Variants in AGBL4 observed in about 807,000 individuals in gnomAD.
AGBL4 encodes AGBL carboxypeptidase 4.
In AGBL4, 58 loss-of-function variants were observed where a neutral mutation model predicts 66.4. The observed-to-expected ratio is 0.87, with a 90% CI of 0.71 to 1.09. The LOEUF (loss-of-function observed/expected upper bound fraction) is 1.09. AGBL4 is among the 50% of genes least tolerant of loss of function. AGBL4 has a pLI of 0.00. For missense variants in AGBL4, 579 were observed against 631.0 expected (o/e 0.92, Z 0.88); for synonymous variants, 234 against 222.9 (o/e 1.05, Z -0.44).
intron 1 of AGBL4, among the ~76,000 whole-genome samples, chr1:49,952,819 A>T (rs1656277122): frequency 6.6e-6 from 1 of 151,972 alleles, no homozygotes; most frequent in Admixed American, 6.6e-5. Context: ...GTACATTGAG[A>T]AGCAACAATA....
intron 3 of AGBL4, among the ~76,000 whole-genome samples, chr1:49,586,929 C>T (rs2124038547): frequency 6.6e-6 from 1 of 152,248 alleles, no homozygotes; most frequent in Non-Finnish European, 1.5e-5. Context: ...CATTCTCCAC[C>T]TTTTCCTCCC....
chr1:49,553,231 C>T (rs1327380229), intron 3 of AGBL4, among the ~76,000 whole-genome samples: 1 of 152,196 alleles, frequency 6.6e-6, no homozygotes, highest in Non-Finnish European at 1.5e-5. Context: ...GGCTTAACCA[C>T]TTACCAGTTG....
At chr1:49,384,901 C>T (rs908775755) in intron 3 of AGBL4, among the ~76,000 whole-genome samples, 6 of 152,150 alleles carry the variant, frequency 3.9e-5, no homozygotes, top group Non-Finnish European at 5.9e-5. Flanking sequence ...GAATTATTTG[C>T]ACACTCATGT....
At chr1:49,772,529 T>C (rs1644092433) in intron 2 of AGBL4, among the ~76,000 whole-genome samples, 1 of 152,200 alleles carries the variant, frequency 6.6e-6, no homozygotes, top group African/African-American at 2.4e-5. Flanking sequence ...CTACTTTAAG[T>C]ATTTCTTGTA....
At chr1:49,693,521 G>A (rs981494890) in intron 3 of AGBL4, among the ~76,000 whole-genome samples, 4 of 151,948 alleles carry the variant, frequency 2.6e-5, no homozygotes, top group Non-Finnish European at 5.9e-5. Context: ...TATGCTCCAC[G>A]ATAGAAAATA....
intron 4 of AGBL4, among the ~76,000 whole-genome samples, chr1:49,053,822 G>A (rs1477155409): frequency 2.6e-5 from 4 of 151,994 alleles, no homozygotes; most frequent in East Asian, 1.9e-4. Flanking sequence ...AATACATAAC[G>A]TGTATAAAAC....
chr1:49,995,309 G>A (rs557679396), intron 1 of AGBL4: 70 of 454,366 alleles, frequency 1.5e-4, no homozygotes, highest in Non-Finnish European at 2.3e-4. Flanking sequence ...TGCTATTGGG[G>A]TGCACAGTGA....
Position 48,698,755 on chromosome 1 carries a change from T to C in AGBL4, c.635-35514A>G, listed in dbSNP as rs544512244. On this transcript the variant is annotated intron_variant, in intron 6 of 13. Coordinates refer to ENST00000371839, the MANE Select transcript of AGBL4 (RefSeq NM_032785.4). Reference sequence around the variant, plus strand: ...CCAGCATTGGGACAGGTACGTTACATGTACACCATCATTTCATTTTCACAA... The same window carrying C: ...CCAGCATTGGGACAGGTACGTTACACGTACACCATCATTTCATTTTCACAA... Among the ~76,000 whole-genome samples, 42 of 152,336 alleles carry C rather than the reference T, an allele frequency of 2.8e-4. No individual in the cohort carries two copies. The East Asian group carries it at 7.7e-3, about 28-fold the overall frequency.
intron 3 of AGBL4, among the ~76,000 whole-genome samples, chr1:49,564,450 A>G (rs1228268792): frequency 3.3e-5 from 5 of 152,172 alleles, no homozygotes; most frequent in Admixed American, 3.3e-4. Flanking sequence ...ATTTAGTGCT[A>G]TAAATTTCCC....
At chr1:48,981,437 GA>G (rs545229105) in intron 5 of AGBL4, among the ~76,000 whole-genome samples, 2 of 151,796 alleles carry the variant, frequency 1.3e-5, no homozygotes, top group African/African-American at 4.8e-5. Flanking sequence ...TTATGTAGAG[GA>G]AAAAAAATTG....
intron 6 of AGBL4, among the ~76,000 whole-genome samples, chr1:48,713,169 A>G (rs1217598706): frequency 6.6e-6 from 1 of 152,198 alleles, no homozygotes; most frequent in Non-Finnish European, 1.5e-5. Context: ...AGGGAGGGAA[A>G]CAAAGAGAAT....
chr1:48,957,996 T>G (rs1486995565), intron 5 of AGBL4, among the ~76,000 whole-genome samples: 1 of 152,162 alleles, frequency 6.6e-6, no homozygotes, highest in Non-Finnish European at 1.5e-5. Flanking sequence ...GGCTTGTTTT[T>G]TTTTTGTTTG....
At chr1:49,126,682 T>A (rs569571023) in intron 4 of AGBL4, among the ~76,000 whole-genome samples, 1 of 152,252 alleles carries the variant, frequency 6.6e-6, no homozygotes, top group South Asian at 2.1e-4. Context: ...AGATTAGTCT[T>A]GGGAAATTGG....
At position 49,365,390 on chromosome 1, in the gene AGBL4, G is replaced by A. The variant is rs528899730; in HGVS notation, c.283-119526C>T. Among the ~76,000 whole-genome samples the A allele has an allele frequency of 1.4e-3, 208 of 151,924 alleles. 1 individual carries two copies. Among genetic ancestry groups the A allele is most frequent in the African/African-American group, 4.7e-3 (195 of 41,490 alleles). ...ACAATAACAACATATACCACTTAGTGTTATTTTATGGAGTCAATGAGAAAA... is the reference window on the plus strand; with the variant it reads ...ACAATAACAACATATACCACTTAGTATTATTTTATGGAGTCAATGAGAAAA... On this transcript the variant is annotated intron_variant, in intron 3 of 13. Transcript: ENST00000371839.
intron 4 of AGBL4, among the ~76,000 whole-genome samples, chr1:49,159,369 T>G (rs1355995959): frequency 6.6e-6 from 1 of 152,196 alleles, no homozygotes; most frequent in East Asian, 1.9e-4. Flanking sequence ...ATTCTTTTCT[T>G]TAAGAATGCT....
chr1:48,645,894 TACATATGAAAGG>T (rs1227503227), intron 8 of AGBL4, among the ~76,000 whole-genome samples: 1 of 152,102 alleles, frequency 6.6e-6, no homozygotes, highest in Admixed American at 6.6e-5. Flanking sequence ...GATTTCAGAT[TACATATGAAAGG>T]TTGGAAGGCT....
intron 3 of AGBL4, among the ~76,000 whole-genome samples, chr1:49,375,265 C>T (rs957124210): frequency 7.2e-5 from 11 of 152,108 alleles, no homozygotes; most frequent in Admixed American, 2.0e-4. Context: ...GTCCTCTACC[C>T]TGATTCCTAT....
chr1:49,670,482 G>A lies in AGBL4; in HGVS notation c.282+26831C>T, dbSNP rs534476517. Reference sequence around the variant, plus strand: ...TGCAGCTCCAATTGGGGCTATGACAGAACAGAAATTTAAAGGGATCCTAGA... The same window carrying A: ...TGCAGCTCCAATTGGGGCTATGACAAAACAGAAATTTAAAGGGATCCTAGA... On this transcript the variant is annotated intron_variant, in intron 3 of 13. Coordinates refer to ENST00000371839, the MANE Select transcript of AGBL4 (RefSeq NM_032785.4). 3.3e-5 allele frequency among the ~76,000 whole-genome samples: 5 copies of A among 152,284 alleles called. No individual in the cohort carries two copies. The South Asian group carries it at 1.0e-3, about 32-fold the overall frequency.
At chr1:49,069,953 T>A (rs952488183) in intron 4 of AGBL4, among the ~76,000 whole-genome samples, 2 of 152,004 alleles carry the variant, frequency 1.3e-5, no homozygotes, top group African/African-American at 2.4e-5. Context: ...TTCACATCCC[T>A]TGTAAGTTGG....
Sources: allele counts gnomAD v4.1 joint callset (sites outside exome capture counted in the v4.1 genomes callset), GRCh38; gene constraint gnomAD v4.1.1; transcripts MANE v1.5; gene names NCBI Gene and HGNC (gene_info 2026-07-23, HGNC 2026-07-21).